The following MYO9B variants were observed in gnomAD, a reference collection of about 807,000 sequenced individuals.
MYO9B encodes the protein myosin IXB, also known as unconventional myosin-IXb.
In MYO9B, 71 loss-of-function variants were observed where a neutral mutation model predicts 229.5. The ratio of observed to expected loss-of-function variants is 0.31; its 90% confidence interval spans 0.26 to 0.38. The LOEUF (loss-of-function observed/expected upper bound fraction) is 0.38, where lower values mean the gene tolerates loss of function less well. Ranked by LOEUF, MYO9B falls within the 10% of genes least tolerant of loss-of-function variation. MYO9B has a pLI of 1.00. For synonymous variants in MYO9B, 1,185 were observed against 1,235.8 expected (o/e 0.96, Z 0.86); for missense variants, 2,255 against 2,920.5 (o/e 0.77, Z 5.25).
chr19:17,162,174 G>A (rs577688359), intron 8 of MYO9B, among the ~76,000 whole-genome samples, 176 bp from the exon 9 acceptor site: 4 of 152,090 alleles, frequency 2.6e-5, no homozygotes, highest in Admixed American at 1.3e-4. Flanking sequence ...GTATAGTGGC[G>A]CTTGCCTGTA....
At chr19:17,137,227 A>C (rs2072282226) in intron 2 of MYO9B, among the ~76,000 whole-genome samples, 1 of 81,468 alleles carries the variant, frequency 1.2e-5, no homozygotes. Context: ...AACTGTCTCA[A>C]AAAAAAAAAA....
chr19:17,089,655 A>C (rs1264456414), intron 1 of MYO9B, among the ~76,000 whole-genome samples: 1 of 152,062 alleles, frequency 6.6e-6, no homozygotes, highest in Non-Finnish European at 1.5e-5. Context: ...CCTTTCTATG[A>C]GAACACAAGG....
At chr19:17,133,068 G>A (rs935795560) in intron 2 of MYO9B, among the ~76,000 whole-genome samples, 5 of 151,724 alleles carry the variant, frequency 3.3e-5, no homozygotes, top group African/African-American at 1.2e-4. Flanking sequence ...GGATGGTCTC[G>A]ATGTCCTGAC....
chr19:17,118,568 G>C (rs1019533381), intron 2 of MYO9B, among the ~76,000 whole-genome samples: 1 of 151,660 alleles, frequency 6.6e-6, no homozygotes, highest in Non-Finnish European at 1.5e-5. Context: ...TAAAACCTCC[G>C]CCTCCCAGGT....
chr19:17,146,382 C>CATGG (rs1159430575), intron 3 of MYO9B, among the ~76,000 whole-genome samples: 52 of 113,818 alleles, frequency 4.6e-4, no homozygotes, highest in African/African-American at 7.4e-4. Context: ...TGGATAGATT[C>CATGG]ATGGATGGAT....
At chr19:17,078,457 T>C in intron 1 of MYO9B, among the ~76,000 whole-genome samples, 1 of 152,116 alleles carries the variant, frequency 6.6e-6, no homozygotes. Context: ...GGAGAATTGC[T>C]TGAACCCAGG....
Position 17,094,015 on chromosome 19 carries a change from T to TTTGTTGTTGTTG in MYO9B, c.-58-7618_-58-7607dup, listed in dbSNP as rs141113380. 4.0e-3 allele frequency among the ~76,000 whole-genome samples: 593 copies of TTTGTTGTTGTTG among 148,628 alleles called. 7 individuals carry two copies. The highest frequency in any genetic ancestry group is 6.8e-3 in the Middle Eastern group (2 of 294). On this transcript the variant is annotated intron_variant, in intron 1 of 39. Coordinates refer to ENST00000682292, the MANE Select transcript of MYO9B (RefSeq NM_004145.4). ...GTAGGCATGAGCCACTGCAGCTGGCTTTGTTGTTGTTGTTGTTGTTGTTGT... is the reference window on the plus strand; with the variant it reads ...GTAGGCATGAGCCACTGCAGCTGGCTTTGTTGTTGTTGTTGTTGTTGTTGTTGTTGTTGTTGT...
At chr19:17,194,189 A>G (rs1209250667) in intron 21 of MYO9B, among the ~76,000 whole-genome samples, 2 of 151,934 alleles carry the variant, frequency 1.3e-5, no homozygotes, top group Non-Finnish European at 2.9e-5. Context: ...AAATAAAATA[A>G]AATAAAATAA....
intron 11 of MYO9B, among the ~76,000 whole-genome samples, chr19:17,170,243 C>T (rs1259540133): frequency 6.6e-6 from 1 of 152,068 alleles, no homozygotes; most frequent in African/African-American, 2.4e-5. Context: ...AACTAGGTCC[C>T]ACGCTAATGA....
In MYO9B at chr19:17,192,921, G is replaced by A. The variant is rs376279148; in HGVS notation, c.2987G>A (p.Arg996Gln). The change falls in exon 21 of 40, where the codon CGG becomes CAG. Residue 996 changes from arginine (R) to glutamine (Q), a missense_variant. This residue lies in a region of MYO9B where 679 missense variants were observed against 770.2 expected (regional missense o/e 0.88). Coordinates refer to ENST00000682292, the MANE Select transcript of MYO9B (RefSeq NM_004145.4). ...IQACWRSYRV[R>Q]RALERTQAAV... ...GCCTGCTGGCGGTCCTACCGGGTCC[G>A]GAGGGCGCTGGAGAGGACGCAGGCT... 34 of 1,549,064 alleles carry A rather than the reference G, an allele frequency of 2.2e-5. No homozygotes were observed. Among genetic ancestry groups the A allele is most frequent in the Non-Finnish European group, 2.5e-5 (29 of 1,146,500 alleles).
At chr19:17,143,068 G>A (rs758070410) in intron 2 of MYO9B, among the ~76,000 whole-genome samples, 15 of 152,034 alleles carry the variant, frequency 9.9e-5, no homozygotes, top group Non-Finnish European at 1.6e-4. Flanking sequence ...GGAAAACCCC[G>A]TCTCTACTAA....
chr19:17,178,739 T>A (rs2072819161), intron 14 of MYO9B, among the ~76,000 whole-genome samples: 9 of 151,998 alleles, frequency 5.9e-5, no homozygotes, highest in Admixed American at 5.9e-4. Context: ...CCCCTTAAAC[T>A]AGGGTTTCTC....
At chr19:17,114,289 C>A (rs540344403) in intron 2 of MYO9B, among the ~76,000 whole-genome samples, 1 of 152,266 alleles carries the variant, frequency 6.6e-6, no homozygotes, top group South Asian at 2.1e-4. Flanking sequence ...AAATTCGGCA[C>A]GATTGTGGAG....
At chr19:17,205,454 C>A in intron 31 of MYO9B, 118 bp downstream of exon 31, 1 of 921,302 alleles carries the variant, frequency 1.1e-6, no homozygotes, top group Non-Finnish European at 1.7e-6. Context: ...TAGGGGGCGG[C>A]TGTGGCCTCT....
chr19:17,163,889 A>T (rs1290673055), intron 10 of MYO9B, among the ~76,000 whole-genome samples: 1 of 152,152 alleles, frequency 6.6e-6, no homozygotes, highest in Non-Finnish European at 1.5e-5. Flanking sequence ...TTCAGTAGAC[A>T]CTTGGGTTGC....
intron 1 of MYO9B, among the ~76,000 whole-genome samples, chr19:17,080,901 T>C (rs2057528144): frequency 6.6e-6 from 1 of 151,934 alleles, no homozygotes; most frequent in African/African-American, 2.4e-5. Context: ...AATATACTCA[T>C]ACTCTGAAGT....
At chr19:17,113,232 T>C (rs990190734) in intron 2 of MYO9B, among the ~76,000 whole-genome samples, 3 of 151,950 alleles carry the variant, frequency 2.0e-5, no homozygotes, top group African/African-American at 7.3e-5. Context: ...GGGGCGTCAG[T>C]GGGCAGCAGG....
At position 17,200,400 on chromosome 19, in the gene MYO9B, C is replaced by T; in HGVS notation, c.4346C>T (p.Ala1449Val). The part of the protein sequence containing the change: ...NAVSGHVVLE[A>V]TTMKKGLEAP... ...GTGTCCGGGCACGTGGTGCTGGAAG[C>T]CACCACCATGAAGAAGGGCCTGGAA... The change falls in exon 25 of 40, where the codon GCC becomes GTC. Residue 1449 changes from alanine to valine, a missense_variant. Transcript: ENST00000682292. 2 of 1,591,540 alleles carry T rather than the reference C, an allele frequency of 1.3e-6. No homozygotes were observed. The highest frequency in any genetic ancestry group is 2.3e-5 in the South Asian group (2 of 88,406).
chr19:17,097,614 C>T (rs1024214777), intron 1 of MYO9B, among the ~76,000 whole-genome samples: 1 of 152,084 alleles, frequency 6.6e-6, no homozygotes, highest in South Asian at 2.1e-4. Flanking sequence ...TCTTGTGTGT[C>T]CCCCAGCCTT....
Sources: allele counts gnomAD v4.1 joint callset (sites outside exome capture counted in the v4.1 genomes callset), GRCh38; gene constraint gnomAD v4.1.1; regional missense constraint gnomAD v4.1.1; transcripts MANE v1.5; gene names NCBI Gene and HGNC (gene_info 2026-07-23, HGNC 2026-07-21).